FSHR: variants seen among roughly 807,000 people sequenced by gnomAD.
FSHR encodes follicle stimulating hormone receptor.
Under a neutral mutation model 52.1 loss-of-function variants are expected in FSHR, and 46 were observed. The ratio of observed to expected loss-of-function variants is 0.88; its 90% CI spans 0.70 to 1.13. The LOEUF is 1.13. Ranked by LOEUF, FSHR falls within the 50% of genes most tolerant of loss-of-function variation. The probability of loss-of-function intolerance (pLI) is 0.00; values close to 1 mark genes in which losing one functional copy is unlikely to be tolerated. For synonymous variants in FSHR, 399 were observed against 309.6 expected (o/e 1.29, Z -3.03); for missense variants, 964 against 834.6 (o/e 1.16, Z -1.91).
At chr2:49,036,947 T>A (rs1321933913) in intron 2 of FSHR, among the ~76,000 whole-genome samples, 1 of 152,228 alleles carries the variant, frequency 6.6e-6, no homozygotes, top group African/African-American at 2.4e-5. Flanking sequence ...ATCAGAACGC[T>A]GAGCATGCAT....
At chr2:49,126,432 C>T (rs1036022908) in intron 1 of FSHR, among the ~76,000 whole-genome samples, 4 of 152,174 alleles carry the variant, frequency 2.6e-5, no homozygotes, top group Admixed American at 2.6e-4. Flanking sequence ...TATGAGGGTT[C>T]TCTGCCCTCA....
rs541236862 is a variant in FSHR at position 49,103,176 on chromosome 2, T to C, written c.153-34886A>G. On this transcript the variant is annotated intron_variant, in intron 1 of 9. Transcript: ENST00000406846. ...CTCCTTGGGAGCAGTATTGCTCTAT[T>C]GAGAAGAAACGTCCTAGGTTTGGAC... is the stretch of plus-strand genomic sequence containing the variant. 2.6e-5 allele frequency among the ~76,000 whole-genome samples: 4 copies of C among 152,276 alleles called. No homozygotes were observed. In the East Asian group the frequency reaches 7.7e-4, roughly 29 times the overall value.
chr2:49,098,801 A>C (rs1403996921), intron 1 of FSHR, among the ~76,000 whole-genome samples: 1 of 146,926 alleles, frequency 6.8e-6, no homozygotes, highest in Non-Finnish European at 1.5e-5. Flanking sequence ...ATATATATTT[A>C]TAATATGTAT....
chr2:49,023,378 C>G (rs1251199588), intron 2 of FSHR, among the ~76,000 whole-genome samples: 3 of 152,082 alleles, frequency 2.0e-5, no homozygotes, highest in African/African-American at 4.8e-5. Flanking sequence ...AAAGGGTAGA[C>G]TAAGGAAAAG....
chr2:49,132,462 C>T (rs1252580820), intron 1 of FSHR, among the ~76,000 whole-genome samples: 1 of 152,142 alleles, frequency 6.6e-6, no homozygotes, highest in Non-Finnish European at 1.5e-5. Context: ...CACCATGTCA[C>T]ACTGTTTAAG....
At chr2:49,091,167 T>C (rs1051412310) in intron 1 of FSHR, among the ~76,000 whole-genome samples, 1 of 152,140 alleles carries the variant, frequency 6.6e-6, no homozygotes, top group Non-Finnish European at 1.5e-5. Context: ...TTTGATGTCA[T>C]GTTTTAAAAC....
intron 5 of FSHR, among the ~76,000 whole-genome samples, 197 bp downstream of exon 5, chr2:48,990,369 T>A (rs1675712145): frequency 6.6e-6 from 1 of 152,198 alleles, no homozygotes; most frequent in South Asian, 2.1e-4. Context: ...GAAGGGTCTT[T>A]CAGTTTCCTC....
intron 1 of FSHR, among the ~76,000 whole-genome samples, chr2:49,102,686 A>G (rs1671077410): frequency 6.6e-6 from 1 of 152,204 alleles, no homozygotes; most frequent in Non-Finnish European, 1.5e-5. Context: ...TGAATGGATT[A>G]GCTTCATGGA....
At chr2:49,147,911 C>T (rs1672925300) in intron 1 of FSHR, among the ~76,000 whole-genome samples, 1 of 151,812 alleles carries the variant, frequency 6.6e-6, no homozygotes, top group Non-Finnish European at 1.5e-5. Flanking sequence ...AAAGAAGTAC[C>T]TAAACAAGGC....
intron 2 of FSHR, among the ~76,000 whole-genome samples, chr2:49,025,756 A>G (rs1157556085): frequency 6.6e-6 from 1 of 152,206 alleles, no homozygotes; most frequent in Admixed American, 6.5e-5. Context: ...CCTCACCTAT[A>G]GAATCATTTA....
intron 1 of FSHR, among the ~76,000 whole-genome samples, chr2:49,142,013 A>T (rs1672705480): frequency 6.6e-6 from 1 of 152,240 alleles, no homozygotes; most frequent in South Asian, 2.1e-4. Flanking sequence ...TATAGGTGGC[A>T]TGCAGCATAG....
chr2:49,090,262 C>T (rs755778073), intron 1 of FSHR, among the ~76,000 whole-genome samples: 2 of 152,084 alleles, frequency 1.3e-5, no homozygotes, highest in Non-Finnish European at 2.9e-5. Flanking sequence ...CTTGGACTGA[C>T]ATTTTGAGGA....
In FSHR at chr2:48,968,843, C is replaced by T. The variant is rs1467838512; in HGVS notation, c.709G>A (p.Gly237Ser). The change falls in exon 9 of 10, where the codon GGC becomes AGC. Residue 237 changes from glycine (G) to serine (S), a missense_variant. By Grantham distance (56) the Gly-to-Ser change is moderately conservative. Coordinates refer to ENST00000406846, the MANE Select transcript of FSHR (RefSeq NM_000145.4). Reference sequence around the variant, plus strand: ...CTCAGCTTCTTAAGATTTTCTAAGCCATAGCTAGGCAGGGAATGGATCCTT... The same window carrying T: ...CTCAGCTTCTTAAGATTTTCTAAGCTATAGCTAGGCAGGGAATGGATCCTT... ...RTRIHSLPSYGLENLKKLRAR... is the reference protein window; with the variant it reads ...RTRIHSLPSYSLENLKKLRAR... 6.2e-7 allele frequency: 1 copy of T among 1,613,978 alleles called. No homozygotes were observed. The highest frequency in any genetic ancestry group is 1.7e-5 in the Admixed American group (1 of 60,010).
chr2:49,142,963 G>A (rs968257901), intron 1 of FSHR, among the ~76,000 whole-genome samples: 2 of 152,122 alleles, frequency 1.3e-5, no homozygotes, highest in African/African-American at 4.8e-5. Flanking sequence ...TCTATTTGTT[G>A]GTTTTGAGAT....
intron 1 of FSHR, among the ~76,000 whole-genome samples, chr2:49,128,693 A>G (rs990664725): frequency 1.3e-5 from 2 of 150,834 alleles, no homozygotes; most frequent in African/African-American, 4.9e-5. Flanking sequence ...TTTTTTTTCT[A>G]TAAAAATGAA....
At chr2:49,061,630 A>C (rs1022713791) in intron 2 of FSHR, among the ~76,000 whole-genome samples, 1 of 144,184 alleles carries the variant, frequency 6.9e-6, no homozygotes, top group Non-Finnish European at 1.5e-5. Flanking sequence ...AAAAATACAT[A>C]TATCTATAAT....
Position 49,101,851 on chromosome 2 carries a change from G to T in FSHR, c.153-33561C>A, listed in dbSNP as rs1464367882. Among the ~76,000 whole-genome samples the T allele has an allele frequency of 2.6e-5, 4 of 152,108 alleles. No homozygotes were observed. The East Asian group carries it at 7.7e-4, about 29-fold the overall frequency. On this transcript the variant is annotated intron_variant, in intron 1 of 9. Coordinates refer to ENST00000406846, the MANE Select transcript of FSHR (RefSeq NM_000145.4). ...TGATGAGGGCCTTCTTGCTGGTGGG[G>T]ACTCTGTAGAGTCCGAAGGTGGCAC... is the stretch of plus-strand genomic sequence containing the variant.
Position 48,963,975 on chromosome 2 carries a change from A to G in FSHR, c.855-9T>C. 1 of 1,610,654 alleles carries G rather than the reference A, an allele frequency of 6.2e-7. No individual in the cohort carries two copies. Among genetic ancestry groups the G allele is most frequent in the Non-Finnish European group, 8.5e-7 (1 of 1,179,364 alleles). Reference sequence around the variant, plus strand: ...TTGGATGAAGCTCAGAGCTAGAAAAATACAAAAAGAAATAGAATCAACATC... The same window carrying G: ...TTGGATGAAGCTCAGAGCTAGAAAAGTACAAAAAGAAATAGAATCAACATC... On this transcript the variant is annotated splice_polypyrimidine_tract_variant and intron_variant, in intron 9 of 9. Transcript: ENST00000406846.
chr2:49,133,660 T>C (rs1278177275), intron 1 of FSHR, among the ~76,000 whole-genome samples: 1 of 152,158 alleles, frequency 6.6e-6, no homozygotes, highest in Non-Finnish European at 1.5e-5. Flanking sequence ...ACTACCTGAC[T>C]TCAAACTATA....
Sources: allele counts gnomAD v4.1 joint callset (sites outside exome capture counted in the v4.1 genomes callset), GRCh38; gene constraint gnomAD v4.1.1; transcripts MANE v1.5; gene names NCBI Gene and HGNC (gene_info 2026-07-23, HGNC 2026-07-21).